Variants in PRKN observed in about 807,000 individuals in gnomAD.
The protein encoded by PRKN is parkin RBR E3 ubiquitin protein ligase, also known as E3 ubiquitin-protein ligase parkin.
In PRKN, 56 loss-of-function variants were observed where a neutral mutation model predicts 59.5. The observed-to-expected ratio is 0.94, with a 90% CI of 0.76 to 1.18. The LOEUF is 1.18. Ranked by LOEUF, PRKN falls within the 50% of genes most tolerant of loss-of-function variation. The pLI, the probability that PRKN is intolerant of heterozygous loss-of-function variation, is 0.00. For synonymous variants in PRKN, 250 were observed against 222.1 expected, an observed-to-expected ratio of 1.13 and a Z score of -1.12; for missense variants, 657 against 596.4, an observed-to-expected ratio of 1.10 and a Z score of -1.06.
intron 4 of PRKN, among the ~76,000 whole-genome samples, chr6:162,167,880 TC>T (rs1357435211): frequency 6.6e-6 from 1 of 152,212 alleles, no homozygotes; most frequent in Non-Finnish European, 1.5e-5. Context: ...TTTTCAATGG[TC>T]TTGCCGTGAA....
chr6:162,539,051 C>T (rs1403719901), intron 1 of PRKN, among the ~76,000 whole-genome samples: 1 of 152,132 alleles, frequency 6.6e-6, no homozygotes, highest in Non-Finnish European at 1.5e-5. Flanking sequence ...GAAGAAGGAT[C>T]GCCTTAATTC....
At chr6:162,092,707 A>G (rs1264637712) in intron 4 of PRKN, among the ~76,000 whole-genome samples, 1 of 152,230 alleles carries the variant, frequency 6.6e-6, no homozygotes, top group Non-Finnish European at 1.5e-5. Context: ...CTGATATTTC[A>G]AAGTGATATA....
intron 7 of PRKN, among the ~76,000 whole-genome samples, chr6:161,714,323 CTTCT>C (rs1786878284): frequency 6.6e-6 from 1 of 152,118 alleles, no homozygotes. Flanking sequence ...TAAGAAATGG[CTTCT>C]TTAAGATGTG....
At chr6:162,507,947 G>A (rs1340448299) in intron 1 of PRKN, among the ~76,000 whole-genome samples, 1 of 152,190 alleles carries the variant, frequency 6.6e-6, no homozygotes, top group Non-Finnish European at 1.5e-5. Flanking sequence ...CAGGATGAAG[G>A]ACTGCAGTCC....
At chr6:162,019,875 CTGGTGTGG>C (rs2128274696) in intron 5 of PRKN, among the ~76,000 whole-genome samples, 1 of 152,094 alleles carries the variant, frequency 6.6e-6, no homozygotes, top group South Asian at 2.1e-4. Flanking sequence ...AAAAATTAGC[CTGGTGTGG>C]TGGCGGGCGC....
chr6:162,086,264 CAAAACTT>C (rs1461514455), intron 4 of PRKN, among the ~76,000 whole-genome samples: 1 of 152,102 alleles, frequency 6.6e-6, no homozygotes, highest in Non-Finnish European at 1.5e-5. Flanking sequence ...GGGCATCTCT[CAAAACTT>C]AGAGTCTCTG....
chr6:162,291,303 A>G (rs997837550), intron 2 of PRKN, among the ~76,000 whole-genome samples: 2 of 151,176 alleles, frequency 1.3e-5, no homozygotes, highest in Non-Finnish European at 3.0e-5. Flanking sequence ...GCCTCGTACC[A>G]GTCTACAGAA....
intron 4 of PRKN, among the ~76,000 whole-genome samples, chr6:162,062,811 G>C (rs868809406): frequency 6.6e-6 from 1 of 152,288 alleles, no homozygotes; most frequent in Middle Eastern, 3.4e-3. Flanking sequence ...TATCATGACT[G>C]TGCTGGTGGC....
chr6:162,482,091 A>G (rs989435785), intron 1 of PRKN, among the ~76,000 whole-genome samples: 1 of 152,154 alleles, frequency 6.6e-6, no homozygotes, highest in Non-Finnish European at 1.5e-5. Flanking sequence ...CTCACTGCCC[A>G]GAATAACTAT....
At chr6:161,966,266 G>C (rs949904801) in intron 6 of PRKN, among the ~76,000 whole-genome samples, 1 of 150,932 alleles carries the variant, frequency 6.6e-6, no homozygotes, top group Admixed American at 6.6e-5. Context: ...ATTTGGGTAT[G>C]ATAAAAAAAA....
chr6:162,025,376 G>T (rs1006770401), intron 5 of PRKN, among the ~76,000 whole-genome samples: 1 of 151,984 alleles, frequency 6.6e-6, no homozygotes, highest in African/African-American at 2.4e-5. Flanking sequence ...CATCAAATCT[G>T]CAAAGGTACT....
In PRKN at chr6:161,785,747, T is replaced by C. The variant is rs941116690; in HGVS notation, c.871+25A>G. ...TTCTGTTCTTCATTAGCATTAGAGATGGAGAGAAAACATGCTAGACTTACC... is the reference window on the plus strand; with the variant it reads ...TTCTGTTCTTCATTAGCATTAGAGACGGAGAGAAAACATGCTAGACTTACC... On this transcript the variant is annotated intron_variant, in intron 7 of 11. Coordinates refer to ENST00000366898, the MANE Select transcript of PRKN (RefSeq NM_004562.3). 8 of 1,611,900 alleles carry C rather than the reference T, an allele frequency of 5.0e-6. No individual in the cohort carries two copies. In the African/African-American group the frequency reaches 8.0e-5, roughly 16 times the overall value.
intron 5 of PRKN, among the ~76,000 whole-genome samples, chr6:162,001,576 T>C (rs1490566902): frequency 6.6e-6 from 1 of 152,046 alleles, no homozygotes; most frequent in Admixed American, 6.6e-5. Context: ...TCTCCACATA[T>C]ATAATGATGT....
intron 1 of PRKN, among the ~76,000 whole-genome samples, chr6:162,583,695 C>T (rs967674483): frequency 6.6e-6 from 1 of 152,086 alleles, no homozygotes; most frequent in Non-Finnish European, 1.5e-5. Context: ...CTGCAAGTAG[C>T]GAGACTCATA....
intron 6 of PRKN, among the ~76,000 whole-genome samples, chr6:161,836,608 G>A (rs73785438): frequency 9.9e-5 from 15 of 152,216 alleles, no homozygotes; most frequent in African/African-American, 2.9e-4. Flanking sequence ...AACCAGAGAC[G>A]ATCATAATTA....
Position 162,190,785 on chromosome 6 carries a change from A to G in PRKN, c.534+10346T>C, listed in dbSNP as rs118183748. Among the ~76,000 whole-genome samples, 406 of 152,316 alleles carry G rather than the reference A, an allele frequency of 2.7e-3. 1 individual carries two copies. Among genetic ancestry groups the G allele is most frequent in the Middle Eastern group, 0.02 (6 of 294 alleles). On this transcript the variant is annotated intron_variant, in intron 4 of 11. Transcript: ENST00000366898. ...ATAAAGCATCAACAAAGGATCTACTATGTAGGAAGAAAAGGCTACTAAATT... is the reference window on the plus strand; with the variant it reads ...ATAAAGCATCAACAAAGGATCTACTGTGTAGGAAGAAAAGGCTACTAAATT...
rs368295529 is a variant in PRKN at position 161,463,384 on chromosome 6, C to T, written c.1084-76507G>A. On this transcript the variant is annotated intron_variant, in intron 9 of 11. Coordinates refer to ENST00000366898, the MANE Select transcript of PRKN (RefSeq NM_004562.3). The surrounding 1 kb of genome is among the most constrained non-coding windows in gnomAD (Gnocchi z 4.8). ...CTAACTGGCTCTTGAATCATGTTTT[C>T]CAGAGGTCAACTGAGTCTAAGAAGA... 1.2e-4 allele frequency among the ~76,000 whole-genome samples: 19 copies of T among 152,142 alleles called. No individual in the cohort carries two copies. Among genetic ancestry groups the T allele is most frequent in the African/African-American group, 4.3e-4 (18 of 41,430 alleles).
chr6:161,498,496 G>A lies in PRKN; in HGVS notation c.1083+50358C>T, dbSNP rs137914226. On this transcript the variant is annotated intron_variant, in intron 9 of 11. Coordinates refer to ENST00000366898, the MANE Select transcript of PRKN (RefSeq NM_004562.3). This position sits in a 1 kb window ranked among gnomAD's most constrained non-coding sequence, Gnocchi z 4.2. Reference sequence around the variant, plus strand: ...CTCCCTGAGAGCTTGTGGGAAGGGTGTGCTGTCCTAACCCAGTTAGATGTC... The same window carrying A: ...CTCCCTGAGAGCTTGTGGGAAGGGTATGCTGTCCTAACCCAGTTAGATGTC... Among the ~76,000 whole-genome samples the A allele has an allele frequency of 8.3e-4, 127 of 152,298 alleles. No individual in the cohort carries two copies. Among genetic ancestry groups the A allele is most frequent in the African/African-American group, 3.0e-3 (123 of 41,554 alleles).
At chr6:162,027,491 C>G (rs1218339807) in intron 5 of PRKN, among the ~76,000 whole-genome samples, 1 of 152,066 alleles carries the variant, frequency 6.6e-6, no homozygotes. Context: ...AAAACCAGTC[C>G]TCAGGCAAAA....
Sources: gnomAD v4.1 joint callset for allele counts (sites outside exome capture counted in the v4.1 genomes callset) on GRCh38, gnomAD v4.1.1 for gene constraint, Gnocchi (gnomAD v3.1) non-coding constraint, MANE v1.5 for transcripts, NCBI Gene and HGNC (gene_info 2026-07-23, HGNC 2026-07-21) for gene names.